TFEC: variants seen among roughly 807,000 people sequenced by gnomAD.
TFEC encodes the protein class E basic helix-loop-helix protein 34.
Under a neutral mutation model 41.6 loss-of-function variants are expected in TFEC, and 31 were observed. The observed-to-expected ratio is 0.74, with a 90% CI of 0.56 to 1.01. TFEC has a LOEUF of 1.01. TFEC is among the 50% of genes least tolerant of loss of function. The pLI is 0.00. For missense variants in TFEC, 402 were observed against 404.1 expected (o/e 0.99, Z 0.04); for synonymous variants, 143 against 140.6 (o/e 1.02, Z -0.12).
rs1293169122 is a variant in TFEC, at chr7:116,154,320, T to C, written c.-69+5470A>G. Among the ~76,000 whole-genome samples the C allele has an allele frequency of 2.0e-5, 3 of 152,296 alleles. No homozygotes were observed. In the Middle Eastern group the frequency reaches 0.01, roughly 518 times the overall value. On this transcript the variant is annotated intron_variant, in intron 1 of 8. Transcript: ENST00000484212. ...AAATGCACCTCCTTTTCTTTCTCTA[T>C]CTCCATTCCTCACTTTCTTCAGATG...
chr7:115,978,254 A>G (rs1344098275), intron 2 of TFEC, among the ~76,000 whole-genome samples: 1 of 152,200 alleles, frequency 6.6e-6, no homozygotes, highest in African/African-American at 2.4e-5. Flanking sequence ...TATTCATATT[A>G]AGCAATATAA....
chr7:116,087,110 CA>C (rs887703407), intron 3 of TFEC, among the ~76,000 whole-genome samples: 5 of 151,892 alleles, frequency 3.3e-5, no homozygotes, highest in African/African-American at 9.7e-5. Context: ...GATTAGAGAT[CA>C]GGGGAGGGAC....
chr7:115,942,487 T>C (rs1489852019), intron 6 of TFEC, among the ~76,000 whole-genome samples: 1 of 152,030 alleles, frequency 6.6e-6, no homozygotes, highest in Non-Finnish European at 1.5e-5. Context: ...ATAAGGTTGC[T>C]TTTATGTTTC....
chr7:116,097,097 A>G (rs1001457742), intron 3 of TFEC, among the ~76,000 whole-genome samples: 2 of 150,934 alleles, frequency 1.3e-5, no homozygotes, highest in Non-Finnish European at 2.9e-5. Flanking sequence ...TCAAAAAAAA[A>G]AAAGAAAGAA....
At chr7:116,082,467 C>A (rs1393445047) in intron 3 of TFEC, among the ~76,000 whole-genome samples, 1 of 151,924 alleles carries the variant, frequency 6.6e-6, no homozygotes, top group East Asian at 1.9e-4. Flanking sequence ...ATTAACAAAT[C>A]ATTTGTTAGC....
chr7:116,063,290 G>A (rs750157421), intron 3 of TFEC, among the ~76,000 whole-genome samples: 2 of 152,130 alleles, frequency 1.3e-5, no homozygotes, highest in East Asian at 3.8e-4. Context: ...AGATGCAAAG[G>A]TTCAGGAAAA....
chr7:116,099,394 C>T (rs532321754), intron 3 of TFEC, among the ~76,000 whole-genome samples: 1 of 152,224 alleles, frequency 6.6e-6, no homozygotes, highest in East Asian at 1.9e-4. Flanking sequence ...TTAGGGTACC[C>T]AATGAATCAC....
At chr7:116,037,776 T>C (rs1472691733) in intron 3 of TFEC, among the ~76,000 whole-genome samples, 2 of 152,012 alleles carry the variant, frequency 1.3e-5, no homozygotes, top group African/African-American at 4.8e-5. Flanking sequence ...TTCATTAGCA[T>C]ACTAGTAAGC....
At chr7:115,945,140 CT>C (rs35119397) in intron 6 of TFEC, among the ~76,000 whole-genome samples, 85,084 of 143,882 alleles carry the variant, frequency 0.59, 25,934 homozygotes, top group Non-Finnish European at 0.7. Context: ...CTTGTATGGT[CT>C]TTTTTTTTTT....
chr7:116,124,204 A>G (rs12673957), intron 1 of TFEC, among the ~76,000 whole-genome samples: 23,359 of 152,138 alleles, frequency 0.15, 1,847 homozygotes, highest in East Asian at 0.25. Flanking sequence ...TATAACCACG[A>G]AAGTTTTTAA....
intron 2 of TFEC, 132 bp downstream of exon 2, chr7:115,984,130 T>G: frequency 3.5e-6 from 4 of 1,156,008 alleles, no homozygotes; most frequent in Non-Finnish European, 3.6e-6. Context: ...TAGAGAATAA[T>G]TAATTAAAAG....
intron 3 of TFEC, among the ~76,000 whole-genome samples, chr7:116,061,759 A>G (rs1796561992): frequency 6.6e-6 from 1 of 152,174 alleles, no homozygotes; most frequent in Non-Finnish European, 1.5e-5. Flanking sequence ...TTTAATACAA[A>G]CAGCCCAATA....
rs1791507811 is a variant in TFEC at position 115,945,824 on chromosome 7, T to C, written c.516-3784A>G. On this transcript the variant is annotated intron_variant, in intron 6 of 7. Coordinates refer to ENST00000265440, the MANE Select transcript of TFEC (RefSeq NM_012252.4). ...CCAAGGGTAGACAAACTACGGCCCA[T>C]AGCTTATTTTTGTCAATAAATTTCA... is the stretch of plus-strand genomic sequence containing the variant. Among the ~76,000 whole-genome samples, 3 of 151,714 alleles carry C rather than the reference T, an allele frequency of 2.0e-5. 1 individual carries two copies. In the South Asian group the frequency reaches 6.4e-4, roughly 33 times the overall value.
chr7:116,111,529 A>G lies in TFEC; in HGVS notation c.-22+463T>C, dbSNP rs569844480. ...AAATAGGAACAACTGTCACACAGAA[A>G]AACAGACCACAATGGATACTGCATT... On this transcript the variant is annotated intron_variant, in intron 2 of 8. Transcript: ENST00000484212. Among the ~76,000 whole-genome samples, 36 of 152,184 alleles carry G rather than the reference A, an allele frequency of 2.4e-4. 2 individuals carry two copies. The South Asian group carries it at 3.9e-3, about 17-fold the overall frequency.
At chr7:116,090,060 A>G (rs1179213793) in intron 3 of TFEC, among the ~76,000 whole-genome samples, 1 of 152,166 alleles carries the variant, frequency 6.6e-6, no homozygotes, top group Non-Finnish European at 1.5e-5. Flanking sequence ...AATTGAAAGG[A>G]AAACCCTAAC....
Position 115,940,861 on chromosome 7 carries a change from G to A in TFEC, c.734C>T (p.Ala245Val). The change falls in exon 8 of 8, where the codon GCT (alanine) becomes GTT (valine). Residue 245 changes from alanine to valine, a missense_variant. Physicochemically the swap from Ala to Val is moderately conservative, Grantham distance 64 (BLOSUM62 0). Coordinates refer to ENST00000265440, the MANE Select transcript of TFEC (RefSeq NM_012252.4). ...LASLGTVDLG[A>V]HVTKQQSHPE... ...ATGGCTCTGCTGTTTGGTGACATGA[G>A]CACCTAAATCAACCGTGCCAAGTGA... 1 of 1,613,164 alleles carries A rather than the reference G, an allele frequency of 6.2e-7. No homozygotes were observed. Among genetic ancestry groups the A allele is most frequent in the Non-Finnish European group, 8.5e-7 (1 of 1,179,436 alleles).
chr7:116,013,246 C>T (rs974916394), intron 1 of TFEC, among the ~76,000 whole-genome samples: 2 of 152,022 alleles, frequency 1.3e-5, no homozygotes, highest in East Asian at 1.9e-4. Context: ...TTTAAATGCA[C>T]CTGTTATTTT....
rs370985036 is a variant in TFEC, at chr7:116,104,601, T to C, written c.198+6107A>G. Reference sequence around the variant, plus strand: ...TTCATTCTTATTTGAAAAACATTTTTACAGACAATGCACAGTTGTTTTTAC... The same window carrying C: ...TTCATTCTTATTTGAAAAACATTTTCACAGACAATGCACAGTTGTTTTTAC... On this transcript the variant is annotated intron_variant, in intron 3 of 8. Coordinates refer to the TFEC transcript ENST00000484212. Among the ~76,000 whole-genome samples, 5 of 152,298 alleles carry C rather than the reference T, an allele frequency of 3.3e-5. No individual in the cohort carries two copies. In the East Asian group the frequency reaches 9.6e-4, roughly 29 times the overall value.
chr7:116,059,966 T>A (rs1450685664), intron 3 of TFEC, among the ~76,000 whole-genome samples: 1 of 152,040 alleles, frequency 6.6e-6, no homozygotes, highest in Admixed American at 6.6e-5. Context: ...ATGAGTTCAA[T>A]AAGGCAGAAA....
Sources: allele counts gnomAD v4.1 joint callset (sites outside exome capture counted in the v4.1 genomes callset), GRCh38; gene constraint gnomAD v4.1.1; transcripts MANE v1.5; gene names NCBI Gene and HGNC (gene_info 2026-07-23, HGNC 2026-07-21).